The following NRG3 variants were observed in gnomAD, a reference collection of about 807,000 sequenced individuals.
NRG3 encodes pro-neuregulin-3, membrane-bound isoform.
A neutral mutation model predicts 66.9 loss-of-function variants in NRG3; 31 were observed. The observed-to-expected ratio is 0.46, with a 90% CI of 0.35 to 0.63. NRG3 has a LOEUF of 0.63. NRG3 is among the 20% of genes least tolerant of loss of function. The probability of loss-of-function intolerance (pLI) is 0.00; values close to 1 mark genes in which losing one functional copy is unlikely to be tolerated. For missense variants in NRG3, 910 were observed against 878.9 expected (o/e 1.04, Z -0.45); for synonymous variants, 393 against 359.4 (o/e 1.09, Z -1.06).
chr10:82,404,495 A>G (rs1361482888), intron 2 of NRG3, among the ~76,000 whole-genome samples: 1 of 152,232 alleles, frequency 6.6e-6, no homozygotes, highest in Non-Finnish European at 1.5e-5. Flanking sequence ...GCTGCGATTT[A>G]GAACCACATT....
intron 2 of NRG3, among the ~76,000 whole-genome samples, chr10:82,512,099 AGTTGCTGATAT>A (rs1845230847): frequency 1.3e-5 from 2 of 152,018 alleles, no homozygotes; most frequent in South Asian, 4.1e-4. Context: ...ATAATAAGGT[AGTTGCTGATAT>A]GTGCATGCAA....
intron 1 of NRG3, among the ~76,000 whole-genome samples, chr10:82,126,536 A>T (rs1206682366): frequency 6.6e-6 from 1 of 152,114 alleles, no homozygotes; most frequent in East Asian, 1.9e-4. Context: ...GCAGAGATTT[A>T]ATTGAAATTA....
intron 2 of NRG3, among the ~76,000 whole-genome samples, chr10:82,394,142 A>G (rs2086569655): frequency 6.6e-6 from 1 of 152,158 alleles, no homozygotes; most frequent in Non-Finnish European, 1.5e-5. Context: ...GCAGACACAG[A>G]GCTAACAGGA....
At chr10:82,228,735 T>A (rs896006138) in intron 1 of NRG3, among the ~76,000 whole-genome samples, 7 of 152,176 alleles carry the variant, frequency 4.6e-5, no homozygotes, top group African/African-American at 1.7e-4. Context: ...TTGAAAAGAA[T>A]CTTTGGCCAA....
At chr10:82,773,925 C>G (rs1013398762) in intron 3 of NRG3, among the ~76,000 whole-genome samples, 8 of 152,082 alleles carry the variant, frequency 5.3e-5, no homozygotes, top group African/African-American at 1.9e-4. Flanking sequence ...AGATACTGAA[C>G]TTTGTGACAC....
At chr10:82,144,778 C>T (rs1323339134) in intron 1 of NRG3, among the ~76,000 whole-genome samples, 1 of 152,184 alleles carries the variant, frequency 6.6e-6, no homozygotes, top group East Asian at 1.9e-4. Context: ...AAAACAGCTA[C>T]TCCTGAACTT....
chr10:81,972,797 A>G (rs1015030869), intron 1 of NRG3, among the ~76,000 whole-genome samples: 2 of 152,216 alleles, frequency 1.3e-5, no homozygotes, highest in Admixed American at 1.3e-4. Flanking sequence ...TCAATGAACC[A>G]TAAGCACAAG....
chr10:82,514,802 T>C (rs1845501108), intron 2 of NRG3, among the ~76,000 whole-genome samples: 1 of 152,192 alleles, frequency 6.6e-6, no homozygotes, highest in African/African-American at 2.4e-5. Context: ...TAAATTACTT[T>C]GGGTAGTATG....
At chr10:82,914,114 T>G (rs1845600549) in intron 4 of NRG3, among the ~76,000 whole-genome samples, 1 of 149,930 alleles carries the variant, frequency 6.7e-6, no homozygotes, top group Non-Finnish European at 1.5e-5. Context: ...TACTTCCATT[T>G]CAGTTTTTTT....
chr10:82,928,267 A>AT (rs1191574161), intron 4 of NRG3, among the ~76,000 whole-genome samples: 11 of 151,820 alleles, frequency 7.2e-5, no homozygotes, highest in Admixed American at 5.9e-4. Flanking sequence ...GATTGCAAAA[A>AT]TTTTTTCCCA....
intron 1 of NRG3, among the ~76,000 whole-genome samples, chr10:82,132,505 C>CATATATATG (rs1564593668): frequency 0.015 from 889 of 60,252 alleles, 152 homozygotes; most frequent in South Asian, 0.029. Flanking sequence ...ATATATATAT[C>CATATATATG]ATATATATAT....
intron 3 of NRG3, among the ~76,000 whole-genome samples, chr10:82,768,712 CTTTAT>C (rs749398049): frequency 1.3e-5 from 2 of 152,068 alleles, no homozygotes; most frequent in Non-Finnish European, 2.9e-5. Flanking sequence ...AAATATCTCA[CTTTAT>C]TTTAAGTAAT....
chr10:82,365,257 C>T lies in NRG3; in HGVS notation c.953+6389C>T, dbSNP rs1207164637. On this transcript the variant is annotated intron_variant, in intron 2 of 8. Coordinates refer to ENST00000372141, the MANE Select transcript of NRG3 (RefSeq NM_001010848.4). ...AGTTTTGGCACACATCCCTGAATTC[C>T]ATCGACAGGAGGGAATGAAGGCTAA... 2.6e-5 allele frequency among the ~76,000 whole-genome samples: 4 copies of T among 152,094 alleles called. No homozygotes were observed. The East Asian group carries it at 7.7e-4, about 29-fold the overall frequency.
chr10:82,555,997 C>T (rs2044625890), intron 2 of NRG3, among the ~76,000 whole-genome samples: 2 of 152,146 alleles, frequency 1.3e-5, no homozygotes, highest in Admixed American at 6.6e-5. Context: ...TTCTCTCAGA[C>T]CACTGTATGA....
chr10:82,437,880 C>T (rs908776290), intron 2 of NRG3, among the ~76,000 whole-genome samples: 5 of 152,178 alleles, frequency 3.3e-5, no homozygotes, highest in Non-Finnish European at 5.9e-5. Flanking sequence ...TGCCTGGAGA[C>T]GTCACTGAAG....
At chr10:81,980,443 T>C (rs1377250904) in intron 1 of NRG3, among the ~76,000 whole-genome samples, 1 of 152,088 alleles carries the variant, frequency 6.6e-6, no homozygotes, top group Non-Finnish European at 1.5e-5. Flanking sequence ...ACTGAACAAA[T>C]AAAAAAGACA....
chr10:81,964,832 TA>T (rs1443282195), intron 1 of NRG3, among the ~76,000 whole-genome samples: 3 of 152,214 alleles, frequency 2.0e-5, no homozygotes, highest in Non-Finnish European at 4.4e-5. Flanking sequence ...GTTCATTAAT[TA>T]GGTGTCCCAT....
chr10:82,859,603 T>C (rs342401), intron 3 of NRG3, among the ~76,000 whole-genome samples: 70,232 of 152,022 alleles, frequency 0.46, 16,636 homozygotes, highest in African/African-American at 0.53. Flanking sequence ...TGTTCAGTCA[T>C]AGAGAATTGT....
At chr10:82,241,514 T>C (rs561944362) in intron 1 of NRG3, among the ~76,000 whole-genome samples, 1 of 152,248 alleles carries the variant, frequency 6.6e-6, no homozygotes, top group African/African-American at 2.4e-5. Context: ...ACATTACTCA[T>C]AAGGAAGACA....
Sources: gnomAD v4.1 joint callset for allele counts (sites outside exome capture counted in the v4.1 genomes callset) on GRCh38, gnomAD v4.1.1 for gene constraint, MANE v1.5 for transcripts, NCBI Gene and HGNC (gene_info 2026-07-23, HGNC 2026-07-21) for gene names.